The following INTS14 variants were observed in gnomAD, a reference collection of about 807,000 sequenced individuals.
INTS14 encodes integrator complex subunit 14, also known as UPF0464 protein C15orf44.
A neutral mutation model predicts 56.9 loss-of-function variants in INTS14; 27 were observed. The observed-to-expected ratio is 0.47, with a 90% CI of 0.35 to 0.65. The LOEUF (loss-of-function observed/expected upper bound fraction) is 0.65. Among genes scored for constraint, INTS14 ranks in the 30% least tolerant of loss-of-function variants. INTS14 has a pLI of 0.00. For synonymous variants in INTS14, 207 were observed against 236.2 expected (o/e 0.88, Z 1.13); for missense variants, 517 against 632.2 (o/e 0.82, Z 1.95).
rs773115467 is a variant in INTS14, at chr15:65,599,924, G to T, written c.336C>A (p.Val112=). The change falls in exon 4 of 12, where the codon GTC becomes GTA. Residue 112 remains valine, a synonymous_variant. Coordinates refer to ENST00000313182, the MANE Select transcript of INTS14 (RefSeq NM_001394796.1). The stretch of plus-strand genomic sequence containing the variant: ...TGCCAAGACAGCCGTCTGTCACCAG[G>T]ACAACCTGTTTGTAAAAAGAGAGAG... ...EWGGAIPCQV[V]LVTDGCLGIG... 6.2e-7 allele frequency: 1 copy of T among 1,610,808 alleles called. No homozygotes were observed. Among genetic ancestry groups the T allele is most frequent in the Non-Finnish European group, 8.5e-7 (1 of 1,178,664 alleles).
chr15:65,598,498 A>G (rs770295767), intron 5 of INTS14, 35 bp from the exon 6 acceptor site: 1 of 1,592,026 alleles, frequency 6.3e-7, no homozygotes, highest in Admixed American at 1.7e-5. Flanking sequence ...TAGGAAGAGT[A>G]ATACGATACA....
intron 6 of INTS14, 77 bp downstream of exon 6, chr15:65,598,244 A>G: frequency 7.1e-7 from 1 of 1,415,634 alleles, no homozygotes; most frequent in South Asian, 1.3e-5. Flanking sequence ...CTAGACAGAG[A>G]AGAGAGTAAA....
chr15:65,610,147 G>A (rs2073839598), intron 1 of INTS14, among the ~76,000 whole-genome samples: 2 of 151,720 alleles, frequency 1.3e-5, no homozygotes, highest in Admixed American at 1.3e-4. Context: ...ATCACCCGAG[G>A]TCAGGAGTTC....
At chr15:65,598,769 T>C in intron 5 of INTS14, 103 bp downstream of exon 5, 1 of 996,942 alleles carries the variant, frequency 1.0e-6, no homozygotes, top group Non-Finnish European at 1.5e-6. Context: ...TTGGGGAAAA[T>C]GAAATGACAC....
chr15:65,601,657 G>C (rs2073439758), intron 3 of INTS14, among the ~76,000 whole-genome samples: 2 of 152,198 alleles, frequency 1.3e-5, no homozygotes, highest in Admixed American at 1.3e-4. Flanking sequence ...GCAGTATTAA[G>C]TGGTGGCACT....
Position 65,578,865 on chromosome 15 carries a change from AAGTT to A in INTS14, c.*539_*542del, listed in dbSNP as rs965808586. On this transcript the variant is annotated 3_prime_UTR_variant, in exon 12 of 12. Coordinates refer to ENST00000313182, the MANE Select transcript of INTS14 (RefSeq NM_001394796.1). ...TTACACATTAATGGTTGCTCTTTAA[AAGTT>A]AGAATCTCAAGAGATACCAAAAGCA... 1 of 152,286 alleles carries A rather than the reference AAGTT, an allele frequency of 6.6e-6. No homozygotes were observed. The highest frequency in any genetic ancestry group is 2.4e-5 in the African/African-American group (1 of 41,468). The allele number at this position is 152,286 out of a possible 1,614,324, so 9.4% of individuals were successfully genotyped here.
At chr15:65,602,934 A>G (rs941921649) in intron 3 of INTS14, among the ~76,000 whole-genome samples, 2 of 152,182 alleles carry the variant, frequency 1.3e-5, no homozygotes, top group South Asian at 4.1e-4. Context: ...GAAAATCATA[A>G]AAGTCAGAAG....
intron 10 of INTS14, among the ~76,000 whole-genome samples, chr15:65,582,275 T>C (rs948324638): frequency 6.6e-6 from 1 of 152,094 alleles, no homozygotes; most frequent in African/African-American, 2.4e-5. Flanking sequence ...AACCCATACA[T>C]CTATTGCCAG....
chr15:65,581,150 C>T (rs568436501), intron 11 of INTS14, among the ~76,000 whole-genome samples: 6 of 151,986 alleles, frequency 3.9e-5, no homozygotes, highest in South Asian at 2.1e-4. Context: ...GAGGCCGAGG[C>T]GAGCGGATTA....
intron 8 of INTS14, 97 bp from the exon 9 acceptor site, chr15:65,591,828 C>A: frequency 7.1e-7 from 1 of 1,403,464 alleles, no homozygotes; most frequent in Non-Finnish European, 9.6e-7. Context: ...GAGACACAGG[C>A]TTCAGCTTTG....
chr15:65,583,241 A>C (rs1289826149), intron 10 of INTS14, among the ~76,000 whole-genome samples: 1 of 152,222 alleles, frequency 6.6e-6, no homozygotes, highest in Non-Finnish European at 1.5e-5. Flanking sequence ...TTATACATGA[A>C]TGTTTGTAAC....
In INTS14 at chr15:65,579,139, A is replaced by G. The variant is rs553174820; in HGVS notation, c.*269T>C. 60 of 395,324 alleles carry G rather than the reference A, an allele frequency of 1.5e-4. No individual in the cohort carries two copies. The highest frequency in any genetic ancestry group is 1.1e-3 in the African/African-American group (56 of 49,088). 24.5% of individuals were successfully genotyped at this position (395,324 alleles called of 1,614,324 possible). On this transcript the variant is annotated 3_prime_UTR_variant, in exon 12 of 12. Transcript: ENST00000313182. ...GTGCTCTATGCTCATCAGTCATTCA[A>G]GCTTCTCAGGAAATGTGCCCATCAT...
Position 65,605,691 on chromosome 15 carries a change from T to C in INTS14, c.223-455A>G, listed in dbSNP as rs554262165. On this transcript the variant is annotated intron_variant, in intron 2 of 11. Coordinates refer to ENST00000313182, the MANE Select transcript of INTS14 (RefSeq NM_001394796.1). ...AAGGTATAGAAAGATTAAATAACTT[T>C]CCCAGGTCTCATGACTAAGGTGGCA... Among the ~76,000 whole-genome samples the C allele has an allele frequency of 3.3e-5, 5 of 152,312 alleles. No individual in the cohort carries two copies. The South Asian group carries it at 1.0e-3, about 32-fold the overall frequency.
intron 9 of INTS14, among the ~76,000 whole-genome samples, chr15:65,588,925 C>CA (rs745723765): frequency 2.0e-4 from 31 of 152,008 alleles, no homozygotes; most frequent in Non-Finnish European, 3.5e-4. Context: ...GTGCCTGGCA[C>CA]AAAGTTAAGT....
intron 10 of INTS14, among the ~76,000 whole-genome samples, chr15:65,582,962 G>A (rs138295462): frequency 7.2e-5 from 11 of 152,062 alleles, no homozygotes; most frequent in African/African-American, 2.7e-4. Context: ...TGGTCATCAA[G>A]GAAATGCAAA....
chr15:65,593,881 C>T (rs2073118982), intron 7 of INTS14, among the ~76,000 whole-genome samples: 2 of 152,028 alleles, frequency 1.3e-5, no homozygotes, highest in Admixed American at 1.3e-4. Context: ...TTAAAGGGTA[C>T]AGGGTTTCTT....
chr15:65,607,104 T>C, intron 2 of INTS14, 55 bp downstream of exon 2: 2 of 1,589,776 alleles, frequency 1.3e-6, no homozygotes, highest in South Asian at 1.1e-5. Flanking sequence ...ATAACACTGT[T>C]TTCCTCCCAA....
rs149148438 is a variant in INTS14, at chr15:65,583,055, C to T, written c.1240-1036G>A. 3.4e-3 allele frequency among the ~76,000 whole-genome samples: 515 copies of T among 152,210 alleles called. 4 individuals carry two copies. Among genetic ancestry groups the T allele is most frequent in the African/African-American group, 0.012 (497 of 41,510 alleles). On this transcript the variant is annotated intron_variant, in intron 10 of 11. Transcript: ENST00000313182. ...GGAAAACAATGAGTATTGGTAGGAACGTGGAGAAACTAGAACACTTATACA... is the reference window on the plus strand; with the variant it reads ...GGAAAACAATGAGTATTGGTAGGAATGTGGAGAAACTAGAACACTTATACA...
chr15:65,603,755 CTGTT>C (rs2073532378), intron 3 of INTS14, among the ~76,000 whole-genome samples: 1 of 152,196 alleles, frequency 6.6e-6, no homozygotes. Flanking sequence ...GGCCCACTGT[CTGTT>C]TTTGTAAATA....
Sources: gnomAD v4.1 joint callset for allele counts (sites outside exome capture counted in the v4.1 genomes callset) on GRCh38, gnomAD v4.1.1 for gene constraint, MANE v1.5 for transcripts, NCBI Gene and HGNC (gene_info 2026-07-23, HGNC 2026-07-21) for gene names.